Variants in CFAP299 observed in about 807,000 individuals in gnomAD.
CFAP299 encodes the protein cilia- and flagella-associated protein 299.
Under a neutral mutation model 27.0 loss-of-function variants are expected in CFAP299, and 21 were observed. The observed-to-expected ratio is 0.78, with a 90% confidence interval of 0.55 to 1.12. The LOEUF (loss-of-function observed/expected upper bound fraction) is 1.12, where lower values mean the gene tolerates loss of function less well. CFAP299 is among the 50% of genes most tolerant of loss of function. The pLI is 0.00. For synonymous variants in CFAP299, 104 were observed against 98.1 expected (o/e 1.06, Z -0.36); for missense variants, 310 against 276.6 (o/e 1.12, Z -0.86).
intron 2 of CFAP299, among the ~76,000 whole-genome samples, chr4:80,570,986 G>C (rs1735555482): frequency 6.6e-6 from 1 of 152,040 alleles, no homozygotes; most frequent in Non-Finnish European, 1.5e-5. Flanking sequence ...TTCATTTATA[G>C]AAAGTTCAAA....
At chr4:80,596,876 T>C (rs1737085577) in intron 3 of CFAP299, among the ~76,000 whole-genome samples, 7 of 152,206 alleles carry the variant, frequency 4.6e-5, no homozygotes, top group Admixed American at 4.6e-4. Flanking sequence ...ATATTTTGTT[T>C]ATGAGAACCA....
intron 3 of CFAP299, among the ~76,000 whole-genome samples, chr4:80,677,657 A>C (rs1719553761): frequency 6.6e-6 from 1 of 152,082 alleles, no homozygotes; most frequent in Admixed American, 6.5e-5. Context: ...AAACAAATCT[A>C]TATTTTTTCA....
intron 5 of CFAP299, among the ~76,000 whole-genome samples, chr4:80,961,794 A>T (rs1738356959): frequency 1.3e-5 from 2 of 152,088 alleles, no homozygotes; most frequent in Middle Eastern, 3.4e-3. Flanking sequence ...AGCTCAAAAT[A>T]GACAAATAAC....
intron 2 of CFAP299, among the ~76,000 whole-genome samples, chr4:80,480,723 T>C (rs1730521994): frequency 6.6e-6 from 1 of 152,040 alleles, no homozygotes; most frequent in African/African-American, 2.4e-5. Flanking sequence ...GGATACTACA[T>C]TTCTATCAGA....
Position 80,799,920 on chromosome 4 carries a change from ATATATATT to A in CFAP299, c.334-70064_334-70057del, listed in dbSNP as rs1335546747. 1.1e-4 allele frequency among the ~76,000 whole-genome samples: 5 copies of A among 44,356 alleles called. 1 individual carries two copies. The highest frequency in any genetic ancestry group is 4.9e-4 in the African/African-American group (5 of 10,174). 29.1% of individuals were successfully genotyped at this position (44,356 alleles called of 152,430 possible). A position where few individuals can be genotyped will look rare whatever the true frequency, so the allele number is the denominator to read the frequency against. On this transcript the variant is annotated intron_variant, in intron 3 of 5. Transcript: ENST00000358105. Reference sequence around the variant, plus strand: ...TATATATTATAATATAATATATAATATATATATTTATATATTATATTATATAAATATTA... The same window carrying A: ...TATATATTATAATATAATATATAATATATATATTATATTATATAAATATTA...
At chr4:80,893,194 A>G (rs568478379) in intron 4 of CFAP299, among the ~76,000 whole-genome samples, 1 of 151,702 alleles carries the variant, frequency 6.6e-6, no homozygotes, top group Non-Finnish European at 1.5e-5. Flanking sequence ...TGAAAAAACT[A>G]TACACTGAAA....
chr4:80,557,783 C>G lies in CFAP299; in HGVS notation c.243-25310C>G, dbSNP rs528680405. 1.5e-4 allele frequency among the ~76,000 whole-genome samples: 23 copies of G among 152,050 alleles called. No individual in the cohort carries two copies. The South Asian group carries it at 4.6e-3, about 30-fold the overall frequency. ...CTTTTACTTAAATACTATACAACAA[C>G]AAAAAAGGACAAAGCAAGAACAAAC... On this transcript the variant is annotated intron_variant, in intron 2 of 5. Transcript: ENST00000358105.
intron 3 of CFAP299, among the ~76,000 whole-genome samples, chr4:80,764,009 G>A (rs187710018): frequency 6.6e-6 from 1 of 152,100 alleles, no homozygotes; most frequent in Admixed American, 6.6e-5. Context: ...AACCCTAGAA[G>A]AAAACCTAGA....
At chr4:80,572,940 G>A (rs1400086732) in intron 2 of CFAP299, among the ~76,000 whole-genome samples, 1 of 152,112 alleles carries the variant, frequency 6.6e-6, no homozygotes, top group Non-Finnish European at 1.5e-5. Context: ...ACAAACATGA[G>A]CGTGCAGACA....
At chr4:80,766,619 G>A (rs532623877) in intron 3 of CFAP299, among the ~76,000 whole-genome samples, 6 of 152,192 alleles carry the variant, frequency 3.9e-5, no homozygotes, top group Admixed American at 3.9e-4. Flanking sequence ...AAACTTTATG[G>A]CTCTTCTTCA....
At chr4:80,521,139 C>T (rs569129171) in intron 2 of CFAP299, among the ~76,000 whole-genome samples, 78 of 152,088 alleles carry the variant, frequency 5.1e-4, no homozygotes, top group African/African-American at 1.6e-3. Context: ...AGTAAGTATT[C>T]GAAATTGGAA....
chr4:80,688,267 C>T (rs531919767), intron 3 of CFAP299, among the ~76,000 whole-genome samples: 1 of 152,216 alleles, frequency 6.6e-6, no homozygotes, highest in Non-Finnish European at 1.5e-5. Context: ...ACAGCAGTAA[C>T]CTCTGCAGAC....
At chr4:80,506,873 T>C (rs1392072053) in intron 2 of CFAP299, among the ~76,000 whole-genome samples, 1 of 152,138 alleles carries the variant, frequency 6.6e-6, no homozygotes, top group East Asian at 1.9e-4. Context: ...AGATTCAATA[T>C]AATATGAATA....
chr4:80,330,999 T>TA (rs1221611447), upstream of CFAP299, among the ~76,000 whole-genome samples: 1 of 152,200 alleles, frequency 6.6e-6, no homozygotes, highest in Non-Finnish European at 1.5e-5. Flanking sequence ...AAATACTTTA[T>TA]AATAATCAAG....
chr4:80,477,565 C>A (rs1424834462), intron 2 of CFAP299, among the ~76,000 whole-genome samples: 1 of 152,140 alleles, frequency 6.6e-6, no homozygotes, highest in Non-Finnish European at 1.5e-5. Context: ...CACCTTAGAT[C>A]TTGATTTACT....
intron 3 of CFAP299, among the ~76,000 whole-genome samples, chr4:80,692,195 C>T (rs185734910): frequency 5.3e-4 from 81 of 152,202 alleles, no homozygotes; most frequent in African/African-American, 1.9e-3. Context: ...GAAAAACTAC[C>T]TTAAAGTTTA....
chr4:80,321,822 C>T, the CFAP299 span, among the ~76,000 whole-genome samples: 1 of 151,924 alleles, frequency 6.6e-6, no homozygotes, highest in Non-Finnish European at 1.5e-5. Context: ...GATGTGGAGA[C>T]CAAGAATAAT....
chr4:80,491,279 A>G (rs936211680), intron 2 of CFAP299, among the ~76,000 whole-genome samples: 2 of 152,196 alleles, frequency 1.3e-5, no homozygotes, highest in African/African-American at 2.4e-5. Context: ...CAGATTTTCT[A>G]TAAGTTTTAA....
chr4:80,642,992 A>T (rs933008193), intron 3 of CFAP299, among the ~76,000 whole-genome samples: 1 of 151,874 alleles, frequency 6.6e-6, no homozygotes, highest in Non-Finnish European at 1.5e-5. Context: ...ATCCTAAGAG[A>T]CGTTAAATTA....
Sources: allele counts gnomAD v4.1 joint callset (sites outside exome capture counted in the v4.1 genomes callset), GRCh38; gene constraint gnomAD v4.1.1; transcripts MANE v1.5; gene names NCBI Gene and HGNC (gene_info 2026-07-23, HGNC 2026-07-21).